The following RAP1GAP2 variants were observed in gnomAD, a reference collection of about 807,000 sequenced individuals.
RAP1GAP2 encodes the protein rap1 GTPase-activating protein 2.
Under a neutral mutation model 95.0 loss-of-function variants are expected in RAP1GAP2, and 27 were observed. That is an observed-to-expected ratio of 0.28 (90% CI 0.21 to 0.39). The LOEUF (loss-of-function observed/expected upper bound fraction) is 0.39. Ranked by LOEUF, RAP1GAP2 falls within the 10% of genes least tolerant of loss-of-function variation. The pLI, the probability that RAP1GAP2 is intolerant of heterozygous loss-of-function variation, is 1.00. For missense variants in RAP1GAP2, 771 were observed against 970.0 expected, an observed-to-expected ratio of 0.79 and a Z score of 2.72; for synonymous variants, 373 against 380.9, an observed-to-expected ratio of 0.98 and a Z score of 0.24.
intron 3 of RAP1GAP2, among the ~76,000 whole-genome samples, chr17:2,925,434 A>G (rs1219779935): frequency 6.6e-6 from 1 of 152,142 alleles, no homozygotes; most frequent in Non-Finnish European, 1.5e-5. Context: ...AGCAGGAAAG[A>G]GAAGAGCGAA....
Position 3,005,966 on chromosome 17 carries a change from C to G in RAP1GAP2, c.1284C>G (p.Phe428Leu). Reference sequence around the variant, plus strand: ...CTTGTCTCTTCCAGGGCCCGGAATTCAGGGAGTTTCTGCTCACCAAGCTCA... The same window carrying G: ...CTTGTCTCTTCCAGGGCCCGGAATTGAGGGAGTTTCTGCTCACCAAGCTCA... ...SPPVFQKGPEFREFLLTKLTN... is the reference protein window; with the variant it reads ...SPPVFQKGPELREFLLTKLTN... The change falls in exon 16 of 25, where the codon TTC becomes TTG. Residue 428 changes from phenylalanine (F) to leucine (L), a missense_variant. Transcript: ENST00000254695. The surrounding 1 kb of genome is among the most constrained non-coding windows in gnomAD (Gnocchi z 5.2). 1 of 1,613,854 alleles carries G rather than the reference C, an allele frequency of 6.2e-7. No homozygotes were observed. The highest frequency in any genetic ancestry group is 1.1e-5 in the South Asian group (1 of 91,072).
intron 4 of RAP1GAP2, among the ~76,000 whole-genome samples, chr17:2,961,806 C>T (rs1388065744): frequency 1.3e-5 from 2 of 151,526 alleles, no homozygotes; most frequent in Non-Finnish European, 2.9e-5. Flanking sequence ...GGCCTGTTGG[C>T]GTGGGCTCTA....
intron 3 of RAP1GAP2, among the ~76,000 whole-genome samples, chr17:2,907,180 G>A (rs976434596): frequency 1.3e-5 from 2 of 152,186 alleles, no homozygotes; most frequent in African/African-American, 2.4e-5. Flanking sequence ...ACCAATTACC[G>A]GCACCAGAAA....
intron 3 of RAP1GAP2, among the ~76,000 whole-genome samples, chr17:2,939,285 TCG>T (rs2043403685): frequency 6.6e-6 from 1 of 152,180 alleles, no homozygotes; most frequent in Non-Finnish European, 1.5e-5. Context: ...AGACGGGCTT[TCG>T]CCATGTTGGC....
At chr17:2,805,423 T>G (rs1443261184) in intron 2 of RAP1GAP2, among the ~76,000 whole-genome samples, 1 of 152,144 alleles carries the variant, frequency 6.6e-6, no homozygotes, top group Non-Finnish European at 1.5e-5. Context: ...TGGTGCAATC[T>G]CGGCTCACTG....
intron 11 of RAP1GAP2, among the ~76,000 whole-genome samples, chr17:2,986,981 A>G (rs1393374758): frequency 2.0e-5 from 3 of 152,220 alleles, no homozygotes; most frequent in African/African-American, 7.2e-5. Flanking sequence ...GGGATTGGCA[A>G]ACTTTTTTGG....
In RAP1GAP2 at chr17:2,965,226, C is replaced by T. The variant is rs769240676; in HGVS notation, c.493-314C>T. The T allele has an allele frequency of 8.0e-6, 3 of 377,348 alleles. No individual in the cohort carries two copies. The highest frequency in any genetic ancestry group is 5.7e-5 in the East Asian group (1 of 17,638). The allele number at this position is 377,348 out of a possible 1,614,324, so 23.4% of individuals were successfully genotyped here. ...AACCCTGGATCTGTCCCTTACTCAT[C>T]GTGTCATCCTGGGCAGTGACTTAAC... On this transcript the variant is annotated intron_variant, in intron 7 of 24. Coordinates refer to ENST00000254695, the MANE Select transcript of RAP1GAP2 (RefSeq NM_015085.5). This position sits in a 1 kb window ranked among gnomAD's most constrained non-coding sequence, Gnocchi z 4.7.
At chr17:3,030,746 C>A (rs537712157) in intron 22 of RAP1GAP2, among the ~76,000 whole-genome samples, 176 bp from the exon 23 acceptor site, 27 of 152,196 alleles carry the variant, frequency 1.8e-4, no homozygotes, top group African/African-American at 6.0e-4. Context: ...AACCAGCTCA[C>A]CACAATTCTA....
intron 2 of RAP1GAP2, among the ~76,000 whole-genome samples, chr17:2,883,054 G>T (rs2073364602): frequency 6.6e-6 from 1 of 152,228 alleles, no homozygotes; most frequent in Admixed American, 6.5e-5. Flanking sequence ...GAGGCTGCGG[G>T]GTTGTCTTGG....
At chr17:2,969,250 C>G (rs1191958026) in intron 8 of RAP1GAP2, among the ~76,000 whole-genome samples, 3 of 151,538 alleles carry the variant, frequency 2.0e-5, no homozygotes, top group Non-Finnish European at 2.9e-5. Flanking sequence ...TACTTCTTTT[C>G]AATTGCCTTT....
intron 8 of RAP1GAP2, among the ~76,000 whole-genome samples, chr17:2,979,558 C>A (rs2045272413): frequency 6.7e-6 from 1 of 148,594 alleles, no homozygotes; most frequent in South Asian, 2.1e-4. Flanking sequence ...CCCCCACTTC[C>A]TGGGTTCAAG....
chr17:2,943,534 A>T (rs1007550355), intron 3 of RAP1GAP2, among the ~76,000 whole-genome samples: 1 of 151,938 alleles, frequency 6.6e-6, no homozygotes, highest in Non-Finnish European at 1.5e-5. Context: ...GTGTGGTGGC[A>T]CACGCCTGTA....
intron 2 of RAP1GAP2, among the ~76,000 whole-genome samples, chr17:2,847,153 C>T (rs1311763139): frequency 2.6e-5 from 4 of 152,160 alleles, no homozygotes; most frequent in East Asian, 1.9e-4. Context: ...GGATTACAGG[C>T]GCCCGCCACG....
At chr17:2,755,888 G>A (rs1389128533) in intron 1 of RAP1GAP2, 2 of 292,708 alleles carry the variant, frequency 6.8e-6, no homozygotes, top group Middle Eastern at 9.9e-4. Flanking sequence ...GCGGGGCCCG[G>A]GTGGGCGGAG....
At chr17:2,762,682 G>A (rs1047436440) in intron 1 of RAP1GAP2, among the ~76,000 whole-genome samples, 4 of 151,320 alleles carry the variant, frequency 2.6e-5, no homozygotes, top group Admixed American at 6.6e-5. Context: ...CTGGAATTAC[G>A]TGAGCCACTG....
upstream of RAP1GAP2, among the ~76,000 whole-genome samples, chr17:2,772,558 G>A (rs1409350006): frequency 6.6e-6 from 1 of 151,958 alleles, no homozygotes; most frequent in Non-Finnish European, 1.5e-5. Flanking sequence ...GCCTCCCAAG[G>A]TGCTGAGATG....
At chr17:2,913,532 G>A (rs946407416) in intron 3 of RAP1GAP2, among the ~76,000 whole-genome samples, 72 of 152,096 alleles carry the variant, frequency 4.7e-4, no homozygotes, top group African/African-American at 1.6e-3. Flanking sequence ...CAGGTGATCC[G>A]CCGGCCTCAG....
At chr17:2,877,718 T>G (rs566174838) in intron 2 of RAP1GAP2, among the ~76,000 whole-genome samples, 14 of 152,348 alleles carry the variant, frequency 9.2e-5, no homozygotes, top group Non-Finnish European at 1.6e-4. Flanking sequence ...GCCACTGTAC[T>G]TCAGCCTGGG....
chr17:2,823,405 T>G (rs572637229), intron 2 of RAP1GAP2, among the ~76,000 whole-genome samples: 1 of 152,276 alleles, frequency 6.6e-6, no homozygotes, highest in African/African-American at 2.4e-5. Flanking sequence ...GTTCAGGAAT[T>G]TGTAAGTGTT....
Sources: allele counts gnomAD v4.1 joint callset (sites outside exome capture counted in the v4.1 genomes callset), GRCh38; gene constraint gnomAD v4.1.1; non-coding constraint Gnocchi (gnomAD v3.1); transcripts MANE v1.5; gene names NCBI Gene and HGNC (gene_info 2026-07-23, HGNC 2026-07-21).